Variants in RIN3 observed in about 807,000 individuals in gnomAD.
RIN3 encodes the protein RAB5 interacting protein 3.
In RIN3, 54 loss-of-function variants were observed where a neutral mutation model predicts 76.3. The ratio of observed to expected loss-of-function variants is 0.71; its 90% CI spans 0.57 to 0.89. The LOEUF is 0.89. Ranked by LOEUF, RIN3 falls within the 40% of genes least tolerant of loss-of-function variation. RIN3 has a pLI of 0.00. For missense variants in RIN3, 1,256 were observed against 1,322.1 expected (o/e 0.95, Z 0.78); for synonymous variants, 576 against 564.0 (o/e 1.02, Z -0.30).
chr14:92,550,249 G>A (rs983600265), intron 1 of RIN3, among the ~76,000 whole-genome samples: 1 of 152,168 alleles, frequency 6.6e-6, no homozygotes, highest in African/African-American at 2.4e-5. Flanking sequence ...GAAGAGAAGC[G>A]TTATAACTCG....
chr14:92,642,248 G>A (rs1361944816), intron 5 of RIN3, among the ~76,000 whole-genome samples: 3 of 151,872 alleles, frequency 2.0e-5, no homozygotes. Flanking sequence ...GACTATAGGC[G>A]CACACCACCA....
intron 1 of RIN3, among the ~76,000 whole-genome samples, chr14:92,528,860 A>G (rs1031879526): frequency 3.9e-5 from 6 of 152,154 alleles, no homozygotes; most frequent in African/African-American, 1.4e-4. Context: ...GACACACTCC[A>G]GTTCTGGGGC....
At chr14:92,572,286 A>G (rs928053068) in intron 2 of RIN3, among the ~76,000 whole-genome samples, 20 of 152,184 alleles carry the variant, frequency 1.3e-4, no homozygotes, top group Non-Finnish European at 2.5e-4. Flanking sequence ...TTGTGCGCAT[A>G]CTCATTTGAG....
intron 2 of RIN3, among the ~76,000 whole-genome samples, chr14:92,558,311 T>C (rs1171488885): frequency 6.6e-6 from 1 of 152,166 alleles, no homozygotes; most frequent in Non-Finnish European, 1.5e-5. Flanking sequence ...ATCACGCCAC[T>C]GTACTCCAGC....
chr14:92,538,596 C>T (rs1196437699), intron 1 of RIN3, among the ~76,000 whole-genome samples: 1 of 152,136 alleles, frequency 6.6e-6, no homozygotes, highest in Non-Finnish European at 1.5e-5. Flanking sequence ...GTCTGTTAAG[C>T]TTCATTTGCA....
intron 4 of RIN3, among the ~76,000 whole-genome samples, chr14:92,627,641 G>GTC (rs1444980846): frequency 1.3e-5 from 2 of 152,218 alleles, no homozygotes; most frequent in Admixed American, 6.5e-5. Context: ...TTGTAGGCAA[G>GTC]TCTTTCCTTC....
chr14:92,635,551 A>G (rs952154209), intron 4 of RIN3, among the ~76,000 whole-genome samples: 7 of 152,180 alleles, frequency 4.6e-5, no homozygotes, highest in Non-Finnish European at 1.0e-4. Context: ...GAATGTATTC[A>G]ATAGAAATAC....
intron 3 of RIN3, among the ~76,000 whole-genome samples, chr14:92,613,019 G>A (rs1477323225): frequency 6.6e-6 from 1 of 152,236 alleles, no homozygotes; most frequent in African/African-American, 2.4e-5. Flanking sequence ...GTTTATCTGT[G>A]TTCTGCAAAG....
intron 7 of RIN3, among the ~76,000 whole-genome samples, chr14:92,661,496 T>C (rs1466695490): frequency 6.6e-6 from 1 of 151,994 alleles, no homozygotes; most frequent in Non-Finnish European, 1.5e-5. Flanking sequence ...GAGGCTGAGG[T>C]GGGCGGATCA....
chr14:92,634,284 G>A (rs1200278062), intron 4 of RIN3, among the ~76,000 whole-genome samples: 5 of 151,490 alleles, frequency 3.3e-5, no homozygotes, highest in Non-Finnish European at 5.9e-5. Flanking sequence ...TCACCATGTT[G>A]GCCAGGCTGG....
intron 7 of RIN3, among the ~76,000 whole-genome samples, chr14:92,674,889 C>CAAAAAA (rs34494858): frequency 8.4e-6 from 1 of 118,558 alleles, no homozygotes; most frequent in Non-Finnish European, 1.8e-5. Flanking sequence ...AACTCTGTCT[C>CAAAAAA]AAAAAAAAAA....
chr14:92,665,313 A>G (rs1188426925), intron 7 of RIN3, among the ~76,000 whole-genome samples: 2 of 151,380 alleles, frequency 1.3e-5, no homozygotes, highest in Non-Finnish European at 2.9e-5. Context: ...TACGTGGTCC[A>G]TCATTGACCA....
At chr14:92,517,891 A>G (rs1048028607) in intron 1 of RIN3, among the ~76,000 whole-genome samples, 7 of 152,164 alleles carry the variant, frequency 4.6e-5, no homozygotes, top group African/African-American at 1.7e-4. Flanking sequence ...GTGTCCCCCA[A>G]CAGCTCCCTA....
chr14:92,626,286 G>A (rs180817847), intron 4 of RIN3, among the ~76,000 whole-genome samples: 8 of 152,318 alleles, frequency 5.3e-5, no homozygotes, highest in African/African-American at 1.9e-4. Flanking sequence ...AATTGTCATA[G>A]CAGCCCTGTG....
At chr14:92,613,539 T>C (rs902247770) in intron 3 of RIN3, among the ~76,000 whole-genome samples, 6 of 152,222 alleles carry the variant, frequency 3.9e-5, no homozygotes, top group African/African-American at 1.4e-4. Context: ...ATGAAGCTAA[T>C]TGAACACAAC....
chr14:92,545,713 C>G (rs1897246338), intron 1 of RIN3, among the ~76,000 whole-genome samples: 1 of 151,312 alleles, frequency 6.6e-6, no homozygotes, highest in Non-Finnish European at 1.5e-5. Context: ...TCCTGAGTAG[C>G]TGGGACTACA....
chr14:92,532,006 G>A (rs1392690903), intron 1 of RIN3, among the ~76,000 whole-genome samples: 1 of 150,976 alleles, frequency 6.6e-6, no homozygotes, highest in African/African-American at 2.4e-5. Context: ...TCGGCTCGCT[G>A]CAACCTCCGC....
At chr14:92,572,773 A>C (rs985305059) in intron 2 of RIN3, among the ~76,000 whole-genome samples, 2 of 151,680 alleles carry the variant, frequency 1.3e-5, no homozygotes, top group African/African-American at 4.9e-5. Context: ...TGGTGAAAGC[A>C]GTATCCAGCC....
intron 3 of RIN3, among the ~76,000 whole-genome samples, chr14:92,601,982 C>T (rs1382847443): frequency 6.6e-6 from 1 of 152,228 alleles, no homozygotes; most frequent in Non-Finnish European, 1.5e-5. Flanking sequence ...TTGCTCAATA[C>T]GAAGAGCAGC....
Sources: allele counts gnomAD v4.1 joint callset (sites outside exome capture counted in the v4.1 genomes callset), GRCh38; gene constraint gnomAD v4.1.1; transcripts MANE v1.5; gene names NCBI Gene and HGNC (gene_info 2026-07-23, HGNC 2026-07-21).